The following RAD51B variants were observed in gnomAD, a reference collection of about 807,000 sequenced individuals.
RAD51B encodes RAD51 paralog B, also known as DNA repair protein RAD51 homolog 2.
A neutral mutation model predicts 42.2 loss-of-function variants in RAD51B; 38 were observed. That is an observed-to-expected ratio of 0.90 (90% CI 0.70 to 1.18). The LOEUF (loss-of-function observed/expected upper bound fraction) is 1.18, where lower values mean the gene tolerates loss of function less well. Ranked by LOEUF, RAD51B falls within the 50% of genes most tolerant of loss-of-function variation. RAD51B has a pLI of 0.00. For missense variants in RAD51B, 373 were observed against 400.7 expected (o/e 0.93, Z 0.59); for synonymous variants, 154 against 145.2 (o/e 1.06, Z -0.43).
At chr14:68,679,418 C>T (rs1283276182) in intron 11 of RAD51B, among the ~76,000 whole-genome samples, 1 of 152,230 alleles carries the variant, frequency 6.6e-6, no homozygotes, top group Non-Finnish European at 1.5e-5. Flanking sequence ...CCCAGGGCAG[C>T]CATTTATGCA....
intron 7 of RAD51B, among the ~76,000 whole-genome samples, chr14:68,169,498 G>GT (rs113310140): frequency 0.025 from 3,846 of 152,024 alleles, 129 homozygotes; most frequent in African/African-American, 0.074. Context: ...GTTTTATATC[G>GT]TAAGTTGAGT....
chr14:68,650,139 G>T (rs994651771), intron 10 of RAD51B, among the ~76,000 whole-genome samples: 1 of 152,156 alleles, frequency 6.6e-6, no homozygotes, highest in Non-Finnish European at 1.5e-5. Context: ...TTTGACCACC[G>T]AAAGATTTTC....
At chr14:67,938,627 C>T (rs975214718) in intron 7 of RAD51B, among the ~76,000 whole-genome samples, 1 of 152,154 alleles carries the variant, frequency 6.6e-6, no homozygotes, top group Non-Finnish European at 1.5e-5. Context: ...GCTTCTCAGT[C>T]ATTTTGTGTA....
chr14:68,641,365 T>C lies in RAD51B; in HGVS notation c.1037-9416T>C, dbSNP rs1892456399. Among the ~76,000 whole-genome samples the C allele has an allele frequency of 1.3e-5, 2 of 152,204 alleles. 1 individual carries two copies. Among genetic ancestry groups the C allele is most frequent in the African/African-American group, 4.8e-5 (2 of 41,440 alleles). The stretch of plus-strand genomic sequence containing the variant: ...CCAGGAGCTTAAGAAGTTAATCCTT[T>C]TGGATTTTCTACATGGATGTTCATG... On this transcript the variant is annotated intron_variant, in intron 10 of 11. Transcript: ENST00000488612.
At chr14:68,656,715 TC>T (rs1187182808) in intron 11 of RAD51B, among the ~76,000 whole-genome samples, 1 of 151,968 alleles carries the variant, frequency 6.6e-6, no homozygotes, top group African/African-American at 2.4e-5. Context: ...GGCCCCCAGG[TC>T]CCCCACCCCT....
intron 11 of RAD51B, among the ~76,000 whole-genome samples, chr14:68,655,769 G>A (rs145701255): frequency 1.9e-3 from 282 of 152,328 alleles, no homozygotes; most frequent in African/African-American, 6.5e-3. Context: ...GCTGGAAACC[G>A]GCCCTAAGAG....
At chr14:67,841,220 A>G (rs537650414) in intron 4 of RAD51B, among the ~76,000 whole-genome samples, 30 of 152,266 alleles carry the variant, frequency 2.0e-4, no homozygotes, top group African/African-American at 5.8e-4. Flanking sequence ...GGCCACATGT[A>G]TGTCTTCTTT....
intron 3 of RAD51B, among the ~76,000 whole-genome samples, chr14:67,831,771 G>A (rs937642626): frequency 2.6e-5 from 4 of 151,878 alleles, no homozygotes; most frequent in South Asian, 2.1e-4. Context: ...CTGGAACTCC[G>A]GACCTCAGGT....
rs576138201 is a variant in RAD51B at position 67,902,152 on chromosome 14, C to T, written c.756+14948C>T. Among the ~76,000 whole-genome samples, 5 of 152,026 alleles carry T rather than the reference C, an allele frequency of 3.3e-5. No homozygotes were observed. In the South Asian group the frequency reaches 1.0e-3, roughly 32 times the overall value. On this transcript the variant is annotated intron_variant, in intron 7 of 10. Coordinates refer to ENST00000471583, the MANE Select transcript of RAD51B (RefSeq NM_133510.4). ...AGTTCTCATTTCTGAGCCTCAGTAT[C>T]CCTATCTGTAGAAAGTGGCTAAAAG...
intron 10 of RAD51B, among the ~76,000 whole-genome samples, chr14:68,491,088 C>A (rs1316143254): frequency 6.6e-6 from 1 of 152,150 alleles, no homozygotes; most frequent in Non-Finnish European, 1.5e-5. Context: ...CATTTGGATG[C>A]CTCTCCAATG....
chr14:68,257,413 A>G (rs1441265218), intron 7 of RAD51B, among the ~76,000 whole-genome samples: 1 of 152,158 alleles, frequency 6.6e-6, no homozygotes, highest in African/African-American at 2.4e-5. Context: ...ATTAAAATAA[A>G]ATTAATTGCA....
intron 7 of RAD51B, among the ~76,000 whole-genome samples, chr14:67,930,286 T>A (rs1219724778): frequency 6.6e-6 from 1 of 152,140 alleles, no homozygotes; most frequent in Admixed American, 6.5e-5. Flanking sequence ...TTCACTTGTG[T>A]ATTGCTTTAC....
chr14:68,375,061 A>G (rs1334658959), intron 8 of RAD51B, among the ~76,000 whole-genome samples: 3 of 151,876 alleles, frequency 2.0e-5, no homozygotes, highest in African/African-American at 7.3e-5. Context: ...AAACTGACAC[A>G]GTCATGGTTT....
chr14:67,887,138 A>G lies in RAD51B; in HGVS notation c.690A>G (p.Glu230=). 4 of 1,612,234 alleles carry G rather than the reference A, an allele frequency of 2.5e-6. No homozygotes were observed. Among genetic ancestry groups the G allele is most frequent in the Non-Finnish European group, 3.4e-6 (4 of 1,178,780 alleles). The change falls in exon 7 of 11, where the codon GAA becomes GAG. Residue 230 remains glutamate (E), a synonymous_variant. Transcript: ENST00000471583. ...FDAQLQGNLK[E]RNKFLAREAS... ...CACAACTTCAAGGCAATCTCAAAGA[A>G]AGAAACAAGTTCTTGGCAAGAGAGG...
At chr14:68,672,809 C>G (rs1273667087) in intron 11 of RAD51B, among the ~76,000 whole-genome samples, 2 of 152,236 alleles carry the variant, frequency 1.3e-5, no homozygotes, top group Non-Finnish European at 2.9e-5. Context: ...CAGGATGCAG[C>G]TTCATGGTGT....
chr14:68,504,662 C>CTTTTTTTTTTTTTTTTTTTT (rs57967320), intron 10 of RAD51B, among the ~76,000 whole-genome samples: 2 of 90,432 alleles, frequency 2.2e-5, no homozygotes, highest in Non-Finnish European at 4.2e-5. Context: ...TTTTTTCTTT[C>CTTTTTTTTTTTTTTTTTTTT]TTTTTTTTTT....
intron 7 of RAD51B, among the ~76,000 whole-genome samples, chr14:68,250,774 A>G (rs2080611721): frequency 6.6e-6 from 1 of 152,198 alleles, no homozygotes; most frequent in African/African-American, 2.4e-5. Context: ...CTAACAGAAG[A>G]AAAAAGGAGA....
chr14:68,077,009 CTAATT>C (rs1431518008), intron 7 of RAD51B, among the ~76,000 whole-genome samples: 1 of 152,068 alleles, frequency 6.6e-6, no homozygotes, highest in Non-Finnish European at 1.5e-5. Flanking sequence ...ATGAGATACT[CTAATT>C]TATTTAGTTT....
intron 5 of RAD51B, among the ~76,000 whole-genome samples, chr14:67,883,617 C>T (rs1197959134): frequency 1.3e-5 from 2 of 152,076 alleles, no homozygotes; most frequent in Non-Finnish European, 2.9e-5. Context: ...GTCAGTTCAC[C>T]TGACATAAAA....
Sources: allele counts gnomAD v4.1 joint callset (sites outside exome capture counted in the v4.1 genomes callset), GRCh38; gene constraint gnomAD v4.1.1; transcripts MANE v1.5; gene names NCBI Gene and HGNC (gene_info 2026-07-23, HGNC 2026-07-21).